The following KIAA1328 variants were observed in gnomAD, a reference collection of about 807,000 sequenced individuals.
The protein encoded by KIAA1328 is protein hinderin.
Under a neutral mutation model 68.1 loss-of-function variants are expected in KIAA1328, and 52 were observed. The observed-to-expected ratio is 0.76, with a 90% CI of 0.61 to 0.96. KIAA1328 has a LOEUF of 0.96. Ranked by LOEUF, KIAA1328 falls within the 40% of genes least tolerant of loss-of-function variation. The pLI, the probability that KIAA1328 is intolerant of heterozygous loss-of-function variation, is 0.00. For missense variants in KIAA1328, 641 were observed against 677.6 expected, an observed-to-expected ratio of 0.95 and a Z score of 0.60; for synonymous variants, 232 against 239.4, an observed-to-expected ratio of 0.97 and a Z score of 0.28.
intron 5 of KIAA1328, among the ~76,000 whole-genome samples, chr18:36,909,255 T>A (rs1270509038): frequency 6.6e-6 from 1 of 151,962 alleles, no homozygotes; most frequent in African/African-American, 2.4e-5. Flanking sequence ...TTACATTAGG[T>A]ATATCTCCTA....
At chr18:37,073,977 C>A (rs1465806416) in intron 7 of KIAA1328, among the ~76,000 whole-genome samples, 1 of 152,122 alleles carries the variant, frequency 6.6e-6, no homozygotes, top group African/African-American at 2.4e-5. Flanking sequence ...GTGTGAGATA[C>A]TGATCTTGGT....
intron 5 of KIAA1328, among the ~76,000 whole-genome samples, chr18:36,900,280 T>C (rs2048994669): frequency 6.6e-6 from 1 of 151,938 alleles, no homozygotes; most frequent in African/African-American, 2.4e-5. Context: ...GATGATAGTG[T>C]TGGAAGTACT....
intron 7 of KIAA1328, among the ~76,000 whole-genome samples, chr18:37,142,190 T>C (rs2154208287): frequency 1.1e-5 from 1 of 88,064 alleles, no homozygotes; most frequent in Middle Eastern, 4.8e-3. Flanking sequence ...TTCTTTTTCT[T>C]TTTTGTTTTT....
At chr18:37,158,441 G>C (rs1503360) in intron 7 of KIAA1328, among the ~76,000 whole-genome samples, 2 of 151,892 alleles carry the variant, frequency 1.3e-5, no homozygotes. Context: ...ATCTGCTCTT[G>C]TTTGTAGCCC....
intron 7 of KIAA1328, among the ~76,000 whole-genome samples, chr18:37,083,347 T>C (rs1055507064): frequency 1.3e-5 from 2 of 152,244 alleles, no homozygotes; most frequent in African/African-American, 4.8e-5. Flanking sequence ...GTTGGAATTA[T>C]AGGCATGTCT....
At chr18:36,829,973 G>A (rs2150742565) in intron 1 of KIAA1328, among the ~76,000 whole-genome samples, 1 of 152,232 alleles carries the variant, frequency 6.6e-6, no homozygotes, top group Middle Eastern at 3.4e-3. Flanking sequence ...GACTCTTCTC[G>A]CTTGAGCTTT....
intron 5 of KIAA1328, among the ~76,000 whole-genome samples, chr18:36,900,389 A>G (rs2048998513): frequency 6.6e-6 from 1 of 152,060 alleles, no homozygotes; most frequent in East Asian, 1.9e-4. Flanking sequence ...CTGAGAGGCA[A>G]TAATTTTTTT....
intron 7 of KIAA1328, among the ~76,000 whole-genome samples, chr18:37,112,066 GC>G (rs2057947436): frequency 6.6e-6 from 1 of 152,232 alleles, no homozygotes; most frequent in East Asian, 1.9e-4. Context: ...AAGGAGGCCT[GC>G]CTGCCTCTGT....
chr18:37,041,781 C>T (rs1421502904), intron 6 of KIAA1328, among the ~76,000 whole-genome samples: 1 of 152,046 alleles, frequency 6.6e-6, no homozygotes, highest in Non-Finnish European at 1.5e-5. Flanking sequence ...TTACAGTCTT[C>T]TTAAGGTGAA....
intron 6 of KIAA1328, among the ~76,000 whole-genome samples, chr18:37,023,367 A>C (rs2054424227): frequency 6.6e-6 from 1 of 152,172 alleles, no homozygotes; most frequent in Non-Finnish European, 1.5e-5. Flanking sequence ...GGCATGTGCC[A>C]CTAAGCCAGA....
chr18:36,984,904 C>CAAAAAAA (rs56357519), intron 6 of KIAA1328, among the ~76,000 whole-genome samples: 1 of 80,710 alleles, frequency 1.2e-5, no homozygotes, highest in African/African-American at 4.9e-5. Context: ...GACTCCATCT[C>CAAAAAAA]AAAAAAAAAA....
At chr18:36,868,009 G>T (rs1289344715) in intron 4 of KIAA1328, among the ~76,000 whole-genome samples, 1 of 152,186 alleles carries the variant, frequency 6.6e-6, no homozygotes, top group Non-Finnish European at 1.5e-5. Context: ...AGATTAAAGT[G>T]CCTGATATGG....
At chr18:37,032,915 A>G (rs914509604) in intron 6 of KIAA1328, among the ~76,000 whole-genome samples, 1 of 152,184 alleles carries the variant, frequency 6.6e-6, no homozygotes, top group African/African-American at 2.4e-5. Flanking sequence ...TGCCGAGATT[A>G]CAGGCATGAG....
downstream of KIAA1328, among the ~76,000 whole-genome samples, chr18:37,226,065 A>G (rs1439119952): frequency 6.6e-6 from 1 of 152,122 alleles, no homozygotes; most frequent in Non-Finnish European, 1.5e-5. Flanking sequence ...CCAGACTTTC[A>G]GCTAACTTTA....
rs935655468 is a variant in KIAA1328, at chr18:37,173,059, T to C, written c.1501T>C (p.Ser501Pro). The C allele has an allele frequency of 6.2e-7, 1 of 1,612,974 alleles. No individual in the cohort carries two copies. The highest frequency in any genetic ancestry group is 1.7e-5 in the Admixed American group (1 of 60,008). ...GGATTTTGTCACCACAGCCTCACCA[T>C]CATTACAGCACACCACCTCCCGGTA... ...LKDFVTTASP[S>P]LQHTTSRYET... Residue 501 changes from serine to proline, a missense_variant, in exon 9 of 10, where the codon TCA (serine) becomes CCA (proline). Coordinates refer to ENST00000280020, the MANE Select transcript of KIAA1328 (RefSeq NM_020776.3).
chr18:36,880,981 G>T (rs1255360832), intron 4 of KIAA1328, among the ~76,000 whole-genome samples: 1 of 151,916 alleles, frequency 6.6e-6, no homozygotes, highest in African/African-American at 2.4e-5. Context: ...TTGTTTTTTA[G>T]AATTTTTTTC....
rs368283836 is a variant in KIAA1328 at position 36,843,361 on chromosome 18, C to T, written c.238-847C>T. Among the ~76,000 whole-genome samples, 104 of 152,198 alleles carry T rather than the reference C, an allele frequency of 6.8e-4. 1 individual carries two copies. In the South Asian group the frequency reaches 0.02, roughly 30 times the overall value. ...GTGTTTTCAGTTATTCTTGGCTACC[C>T]GAGGTAATTGGACTAACTTAACTTT... On this transcript the variant is annotated intron_variant, in intron 3 of 9. Coordinates refer to ENST00000280020, the MANE Select transcript of KIAA1328 (RefSeq NM_020776.3).
chr18:37,067,405 A>T lies in KIAA1328; in HGVS notation c.1092A>T (p.Glu364Asp). 3 of 1,611,980 alleles carry T rather than the reference A, an allele frequency of 1.9e-6. No homozygotes were observed. In the South Asian group the frequency reaches 3.3e-5, roughly 18 times the overall value. Residue 364 changes from glutamate to aspartate, a missense_variant, in exon 7 of 10, where the codon GAA becomes GAT. Glu to Asp is a conservative substitution (Grantham distance 45). Coordinates refer to ENST00000280020, the MANE Select transcript of KIAA1328 (RefSeq NM_020776.3). ...AAACTTTGAAAAAGCAGATCTCAGAAGATAGAAAGCAGCAACTGATGCTTC... is the reference window on the plus strand; with the variant it reads ...AAACTTTGAAAAAGCAGATCTCAGATGATAGAAAGCAGCAACTGATGCTTC... Reference protein sequence around the residue: ...PIETLKKQISEDRKQQLMLQK... With the variant: ...PIETLKKQISDDRKQQLMLQK...
downstream of KIAA1328, among the ~76,000 whole-genome samples, chr18:37,227,104 A>G (rs1251752022): frequency 6.6e-6 from 1 of 152,196 alleles, no homozygotes; most frequent in Non-Finnish European, 1.5e-5. Context: ...CCCTTAAACC[A>G]AAGCCTAATC....
Sources: allele counts gnomAD v4.1 joint callset (sites outside exome capture counted in the v4.1 genomes callset), GRCh38; gene constraint gnomAD v4.1.1; transcripts MANE v1.5; gene names NCBI Gene and HGNC (gene_info 2026-07-23, HGNC 2026-07-21).